The following SCHIP1 variants were observed in gnomAD, a reference collection of about 807,000 sequenced individuals.
SCHIP1 encodes the protein schwannomin interacting protein 1, also known as schwannomin-interacting protein 1.
A neutral mutation model predicts 29.7 loss-of-function variants in SCHIP1; 8 were observed. The ratio of observed to expected loss-of-function variants is 0.27; its 90% CI spans 0.16 to 0.49. The LOEUF (loss-of-function observed/expected upper bound fraction) is 0.49, where lower values mean the gene tolerates loss of function less well. Ranked by LOEUF, SCHIP1 falls within the 20% of genes least tolerant of loss-of-function variation. The pLI is 0.99. For missense variants in SCHIP1, 193 were observed against 294.6 expected, an observed-to-expected ratio of 0.66 and a Z score of 2.52; for synonymous variants, 76 against 94.9, an observed-to-expected ratio of 0.80 and a Z score of 1.16.
At chr3:159,824,787 A>G in the SCHIP1 span, among the ~76,000 whole-genome samples, 9,803 of 152,286 alleles carry the variant, frequency 0.064, 1,004 homozygotes, top group African/African-American at 0.22. Flanking sequence ...AAACATTAGA[A>G]TACTTTTTGG....
chr3:159,471,134 A>T, the SCHIP1 span, among the ~76,000 whole-genome samples: 2 of 152,298 alleles, frequency 1.3e-5, no homozygotes, highest in Admixed American at 1.3e-4. Flanking sequence ...AACAACACAC[A>T]CACACCCCTA....
chr3:159,583,546 C>G, the SCHIP1 span, among the ~76,000 whole-genome samples: 1 of 152,130 alleles, frequency 6.6e-6, no homozygotes, highest in Non-Finnish European at 1.5e-5. Context: ...TTGACTTCAG[C>G]TGGAAAAGGT....
upstream of SCHIP1, among the ~76,000 whole-genome samples, chr3:159,837,207 A>G (rs577965038): frequency 3.9e-5 from 6 of 152,202 alleles, no homozygotes; most frequent in Non-Finnish European, 8.8e-5. Context: ...TCCAGGAAGC[A>G]GCTTTTTAAG....
At chr3:159,555,237 C>T in the SCHIP1 span, among the ~76,000 whole-genome samples, 2 of 151,876 alleles carry the variant, frequency 1.3e-5, no homozygotes, top group African/African-American at 4.8e-5. Flanking sequence ...TGACTCTGGC[C>T]CTGGTTGTGG....
At chr3:159,480,898 A>T in the SCHIP1 span, among the ~76,000 whole-genome samples, 1 of 152,140 alleles carries the variant, frequency 6.6e-6, no homozygotes, top group Non-Finnish European at 1.5e-5. Context: ...AAAGAGGGTC[A>T]GCGAAGGGAG....
At chr3:159,460,630 G>A in the SCHIP1 span, among the ~76,000 whole-genome samples, 116 of 152,256 alleles carry the variant, frequency 7.6e-4, 1 homozygote, top group Non-Finnish European at 7.1e-4. Flanking sequence ...AGCCCTGGAA[G>A]TCCTACATCC....
At chr3:159,627,785 C>T in the SCHIP1 span, among the ~76,000 whole-genome samples, 2 of 152,058 alleles carry the variant, frequency 1.3e-5, no homozygotes, top group Admixed American at 6.6e-5. Context: ...GCCAAGATCC[C>T]GAAGAGAAGA....
chr3:159,496,563 T>A, the SCHIP1 span, among the ~76,000 whole-genome samples: 1 of 152,194 alleles, frequency 6.6e-6, no homozygotes, highest in East Asian at 1.9e-4. Context: ...AGATACCATC[T>A]CACTCCAGTT....
chr3:159,807,674 A>G, the SCHIP1 span, among the ~76,000 whole-genome samples: 6 of 152,188 alleles, frequency 3.9e-5, no homozygotes. Context: ...AATTCTCAGC[A>G]TGAGAAATGT....
the SCHIP1 span, among the ~76,000 whole-genome samples, chr3:159,692,912 G>C: frequency 6.6e-6 from 1 of 152,232 alleles, no homozygotes; most frequent in South Asian, 2.1e-4. Context: ...ATAGAGTTTT[G>C]TTATATAAGG....
At chr3:159,510,864 G>A in the SCHIP1 span, among the ~76,000 whole-genome samples, 2 of 152,166 alleles carry the variant, frequency 1.3e-5, no homozygotes, top group Non-Finnish European at 1.5e-5. Context: ...TGTGTGATGT[G>A]TCAGTCTGCC....
chr3:159,657,716 A>G, the SCHIP1 span, among the ~76,000 whole-genome samples: 2 of 152,204 alleles, frequency 1.3e-5, no homozygotes, highest in Non-Finnish European at 2.9e-5. Flanking sequence ...TAATTGTTAG[A>G]TCCAATTTTA....
the SCHIP1 span, among the ~76,000 whole-genome samples, chr3:159,335,498 C>G: frequency 1.3e-5 from 2 of 152,144 alleles, no homozygotes; most frequent in African/African-American, 2.4e-5. Context: ...CCCACTCCCC[C>G]CCAGTCCACA....
the SCHIP1 span, among the ~76,000 whole-genome samples, chr3:159,781,160 C>A: frequency 1.3e-5 from 2 of 152,040 alleles, no homozygotes; most frequent in African/African-American, 4.8e-5. Flanking sequence ...GTTCTGAATC[C>A]ATTTTGGAGC....
the SCHIP1 span, among the ~76,000 whole-genome samples, chr3:159,657,418 T>A: frequency 6.6e-6 from 1 of 152,206 alleles, no homozygotes; most frequent in Non-Finnish European, 1.5e-5. Flanking sequence ...TACACGTGCA[T>A]CACACTCCGT....
At chr3:159,323,564 T>C in the SCHIP1 span, among the ~76,000 whole-genome samples, 1 of 152,262 alleles carries the variant, frequency 6.6e-6, no homozygotes, top group Non-Finnish European at 1.5e-5. Context: ...ACCTGTCTCC[T>C]ATTGATGAAC....
chr3:159,745,864 T>C, the SCHIP1 span, among the ~76,000 whole-genome samples: 6 of 152,240 alleles, frequency 3.9e-5, no homozygotes, highest in Non-Finnish European at 8.8e-5. Context: ...GCCTCTATAT[T>C]TGTTAATTTT....
At chr3:159,565,400 T>C in the SCHIP1 span, among the ~76,000 whole-genome samples, 228 of 152,320 alleles carry the variant, frequency 1.5e-3, 1 homozygote, top group African/African-American at 5.3e-3. Context: ...ACTACAGCTT[T>C]AGATGTTTGT....
chr3:159,804,357 G>A, the SCHIP1 span, among the ~76,000 whole-genome samples: 3 of 152,232 alleles, frequency 2.0e-5, no homozygotes, highest in African/African-American at 7.2e-5. Context: ...CCCAGTGTAA[G>A]GAAATATAAT....
Sources: gnomAD v4.1 joint callset for allele counts (sites outside exome capture counted in the v4.1 genomes callset) on GRCh38, gnomAD v4.1.1 for gene constraint, MANE v1.5 for transcripts, NCBI Gene and HGNC (gene_info 2026-07-23, HGNC 2026-07-21) for gene names.